The following EP300 variants were observed in gnomAD, a reference collection of about 807,000 sequenced individuals.
The protein encoded by EP300 is histone acetyltransferase p300.
EP300 carries 31 observed loss-of-function variants against 264.0 expected under a neutral mutation model. The ratio of observed to expected loss-of-function variants is 0.12; its 90% confidence interval spans 0.09 to 0.16. The LOEUF (loss-of-function observed/expected upper bound fraction) is 0.16, where lower values mean the gene tolerates loss of function less well. EP300 is among the 10% of genes least tolerant of loss of function. The probability of loss-of-function intolerance (pLI) is 1.00; values close to 1 mark genes in which losing one functional copy is unlikely to be tolerated. For missense variants in EP300, 2,766 were observed against 3,052.9 expected (o/e 0.91, Z 2.21); for synonymous variants, 1,340 against 1,045.4 (o/e 1.28, Z -5.44).
chr22:41,096,612 C>CT (rs749353769), intron 1 of EP300, among the ~76,000 whole-genome samples: 5,316 of 104,318 alleles, frequency 0.051, 217 homozygotes, highest in African/African-American at 0.073. Flanking sequence ...GTCAGCTCTA[C>CT]TTTTTTTTTT....
In EP300 at chr22:41,105,240, C is replaced by T. The variant is rs1204149070; in HGVS notation, c.95-11947C>T. Among the ~76,000 whole-genome samples, 22 of 146,100 alleles carry T rather than the reference C, an allele frequency of 1.5e-4. No individual in the cohort carries two copies. In the East Asian group the frequency reaches 3.8e-3, roughly 25 times the overall value. On this transcript the variant is annotated intron_variant, in intron 1 of 30. Coordinates refer to ENST00000263253, the MANE Select transcript of EP300 (RefSeq NM_001429.4). ...AAAAAAAGCCGGGCGTGGTGGCAGG[C>T]GCCTGTAGTCCCAGCTACTCGGGAG...
Position 41,176,904 on chromosome 22 carries a change from C to A in EP300, c.5193C>A (p.Arg1731=). The A allele has an allele frequency of 6.2e-7, 1 of 1,614,146 alleles. No homozygotes were observed. Among genetic ancestry groups the A allele is most frequent in the Non-Finnish European group, 8.5e-7 (1 of 1,180,008 alleles). ...CCACCCAGAGCCCAGGCGATTCTCG[C>A]CGCCTGAGTATCCAGCGCTGCATCC... ...AAATQSPGDS[R]RLSIQRCIQS... Residue 1731 remains arginine, a synonymous_variant, in exon 31 of 31, where the codon CGC becomes CGA. Coordinates refer to ENST00000263253, the MANE Select transcript of EP300 (RefSeq NM_001429.4).
chr22:41,160,236 T>C, intron 19 of EP300: 1 of 237,920 alleles, frequency 4.2e-6, no homozygotes. Flanking sequence ...CAGTAATCAT[T>C]TGCTACTTGT....
chr22:41,179,648 T>C lies in EP300; in HGVS notation c.*692T>C, dbSNP rs1433770798. On this transcript the variant is annotated 3_prime_UTR_variant, in exon 31 of 31. Transcript: ENST00000263253. The stretch of plus-strand genomic sequence containing the variant: ...CAAGTATTAAAATAATTTGTACATG[T>C]AGAGAGAAAAATGACTTTTTCAAAA... 1 of 226,322 alleles carries C rather than the reference T, an allele frequency of 4.4e-6. No individual in the cohort carries two copies. The highest frequency in any genetic ancestry group is 8.8e-6 in the Non-Finnish European group (1 of 113,856). 14.0% of individuals were successfully genotyped at this position (226,322 alleles called of 1,614,324 possible).
At chr22:41,100,494 G>T (rs988675852) in intron 1 of EP300, among the ~76,000 whole-genome samples, 1 of 152,106 alleles carries the variant, frequency 6.6e-6, no homozygotes, top group African/African-American at 2.4e-5. Flanking sequence ...TGTACAGTTA[G>T]CCTTCCGTAT....
At chr22:41,141,520 C>A (rs528916039) in intron 10 of EP300, among the ~76,000 whole-genome samples, 11 of 152,270 alleles carry the variant, frequency 7.2e-5, no homozygotes, top group African/African-American at 2.6e-4. Context: ...CAGATGTTCA[C>A]AGATTTCTCT....
chr22:41,179,786 T>C lies in EP300; in HGVS notation c.*830T>C, dbSNP rs1033367362. ...CAAAGTAAAAAAATTAAAAAGAGGG[T>C]AAGAAACGATTCCGGTGGGATGATT... On this transcript the variant is annotated 3_prime_UTR_variant, in exon 31 of 31. Coordinates refer to ENST00000263253, the MANE Select transcript of EP300 (RefSeq NM_001429.4). 3 of 230,802 alleles carry C rather than the reference T, an allele frequency of 1.3e-5. No homozygotes were observed. Among genetic ancestry groups the C allele is most frequent in the Non-Finnish European group, 1.7e-5 (2 of 116,628 alleles). 14.3% of individuals were successfully genotyped at this position (230,802 alleles called of 1,614,324 possible). A position where few individuals can be genotyped will look rare whatever the true frequency, so the allele number is the denominator to read the frequency against.
Position 41,178,362 on chromosome 22 carries a change from T to C in EP300, c.6651T>C (p.Val2217=), listed in dbSNP as rs776990862. 5 of 1,614,098 alleles carry C rather than the reference T, an allele frequency of 3.1e-6. No individual in the cohort carries two copies. In the Admixed American group the frequency reaches 8.3e-5, roughly 27 times the overall value. ...NHNQFQQPQG[V]GYPPQQQQRM... is the part of the protein sequence containing the mutation. ...ACCAGTTCCAGCAACCCCAAGGAGT[T>C]GGCTACCCACCACAGCAGCAGCAGC... is the stretch of plus-strand genomic sequence containing the variant. Residue 2217 remains valine, a synonymous_variant, in exon 31 of 31, where the codon GTT becomes GTC. Coordinates refer to ENST00000263253, the MANE Select transcript of EP300 (RefSeq NM_001429.4).
In EP300 at chr22:41,152,191, T is replaced by TA. The variant is rs560058125; in HGVS notation, c.2998-14dup. On this transcript the variant is annotated splice_polypyrimidine_tract_variant and intron_variant, in intron 15 of 30. Coordinates refer to ENST00000263253, the MANE Select transcript of EP300 (RefSeq NM_001429.4). Reference sequence around the variant, plus strand: ...ATATCTTTGGAATACTAAAAATTCTTACGTTTTCTTTTAGTCTAAAGTGGA... The same window carrying TA: ...ATATCTTTGGAATACTAAAAATTCTTAACGTTTTCTTTTAGTCTAAAGTGGA... The TA allele has an allele frequency of 1.7e-4, 277 of 1,613,624 alleles. 1 individual carries two copies. In the African/African-American group the frequency reaches 3.0e-3, roughly 17 times the overall value.
chr22:41,172,761 T>G, intron 28 of EP300, 98 bp downstream of exon 28: 1 of 1,288,044 alleles, frequency 7.8e-7, no homozygotes. Context: ...AGCTTTCAGG[T>G]GTAAAAGAGC....
At position 41,111,876 on chromosome 22, in the gene EP300, C is replaced by CTTT. The variant is rs71200661; in HGVS notation, c.95-5284_95-5282dup. Among the ~76,000 whole-genome samples the CTTT allele has an allele frequency of 2.3e-3, 126 of 54,708 alleles. 12 individuals are homozygous for CTTT. The highest frequency in any genetic ancestry group is 0.017 in the East Asian group (25 of 1,440). The allele number at this position is 54,708 out of a possible 152,430, so 35.9% of individuals were successfully genotyped here. A position where few individuals can be genotyped will look rare whatever the true frequency, so the allele number is the denominator to read the frequency against. ...TTTTTTCTTTTTTAGAACTTGTAAC[C>CTTT]TTTTTTTTTTTTTTTTTTTTTTTTT... is the stretch of plus-strand genomic sequence containing the variant. On this transcript the variant is annotated intron_variant, in intron 1 of 30. Transcript: ENST00000263253.
chr22:41,094,032 C>T, intron 1 of EP300, among the ~76,000 whole-genome samples: 1 of 152,200 alleles, frequency 6.6e-6, no homozygotes, highest in East Asian at 1.9e-4. Context: ...AAAAGCTTTA[C>T]GACCAGTTCA....
intron 23 of EP300, among the ~76,000 whole-genome samples, chr22:41,167,578 G>GTGTGTGTGTA: frequency 3.6e-5 from 1 of 27,684 alleles, no homozygotes; most frequent in Admixed American, 6.4e-4. Context: ...GTGTGTGTGT[G>GTGTGTGTGTA]TGTGTGTATA....
In EP300 at chr22:41,178,284, G is replaced by A. The variant is rs2145521323; in HGVS notation, c.6573G>A (p.Gln2191=). ...DILRRQQMMQ[Q]QQQQGAGPGI... The stretch of plus-strand genomic sequence containing the variant: ...TGAGACGACAGCAAATGATGCAACA[G>A]CAGCAGCAACAGGGAGCAGGGCCAG... The change falls in exon 31 of 31, where the codon CAG becomes CAA. Residue 2191 remains glutamine (Q), a synonymous_variant. Transcript: ENST00000263253. The A allele has an allele frequency of 6.2e-7, 1 of 1,613,638 alleles. No homozygotes were observed. Among genetic ancestry groups the A allele is most frequent in the East Asian group, 2.2e-5 (1 of 44,876 alleles).
chr22:41,169,476 C>G, intron 25 of EP300, 27 bp from the exon 26 acceptor site: 1 of 1,473,510 alleles, frequency 6.8e-7, no homozygotes, highest in Non-Finnish European at 9.4e-7. Context: ...TTTTTTTTTC[C>G]TCTTCATTTC....
At chr22:41,125,409 C>T (rs1164979677) in intron 2 of EP300, among the ~76,000 whole-genome samples, 8 of 151,106 alleles carry the variant, frequency 5.3e-5, no homozygotes, top group East Asian at 1.9e-4. Context: ...TGAGCCACTG[C>T]GCCCGGCTGT....
chr22:41,134,897 T>G (rs999591160), intron 6 of EP300, among the ~76,000 whole-genome samples: 2 of 149,932 alleles, frequency 1.3e-5, no homozygotes, highest in African/African-American at 5.1e-5. Flanking sequence ...GAGCATTGCT[T>G]TTTTCTTTCT....
chr22:41,095,352 C>T (rs1437840487), intron 1 of EP300, among the ~76,000 whole-genome samples: 1 of 149,016 alleles, frequency 6.7e-6, no homozygotes, highest in East Asian at 2.0e-4. Context: ...CTGTCTCAGC[C>T]TCCCTAGTAG....
intron 1 of EP300, 26 bp downstream of exon 1, chr22:41,093,124 C>A (rs756880871): frequency 1.2e-6 from 2 of 1,609,930 alleles, no homozygotes; most frequent in South Asian, 2.2e-5. Context: ...CCCGGCCTTC[C>A]ACGTTCCCTT....
Sources: gnomAD v4.1 joint callset for allele counts (sites outside exome capture counted in the v4.1 genomes callset) on GRCh38, gnomAD v4.1.1 for gene constraint, MANE v1.5 for transcripts, NCBI Gene and HGNC (gene_info 2026-07-23, HGNC 2026-07-21) for gene names.